Variants in SRGAP2 observed in about 807,000 individuals in gnomAD.
SRGAP2 encodes the protein SLIT-ROBO Rho GTPase activating protein 2.
A neutral mutation model predicts 57.2 loss-of-function variants in SRGAP2; 15 were observed. That is an observed-to-expected ratio of 0.26 (90% CI 0.18 to 0.40). The LOEUF is 0.40. Ranked by LOEUF, SRGAP2 falls within the 10% of genes least tolerant of loss-of-function variation. SRGAP2 has a pLI of 1.00. For missense variants in SRGAP2, 520 were observed against 669.6 expected, an observed-to-expected ratio of 0.78 and a Z score of 2.47; for synonymous variants, 249 against 248.0, an observed-to-expected ratio of 1.00 and a Z score of -0.04.
At chr1:206,414,562 T>A (rs9660435) in intron 10 of SRGAP2, among the ~76,000 whole-genome samples, 14,663 of 152,160 alleles carry the variant, frequency 0.096, 1,560 homozygotes, top group African/African-American at 0.26. Flanking sequence ...GAGTTCAGAC[T>A]TAGGCAGATA....
At chr1:206,426,207 A>G (rs186510811) in intron 13 of SRGAP2, among the ~76,000 whole-genome samples, 4 of 152,202 alleles carry the variant, frequency 2.6e-5, no homozygotes, top group African/African-American at 7.2e-5. Context: ...GCTTATAGAT[A>G]CAAGTGAGAA....
chr1:206,378,866 G>A (rs1227603810), intron 4 of SRGAP2, among the ~76,000 whole-genome samples: 7 of 152,100 alleles, frequency 4.6e-5, no homozygotes, highest in South Asian at 4.2e-4. Context: ...AACCAACTCC[G>A]GACACATAAG....
intron 2 of SRGAP2, among the ~76,000 whole-genome samples, chr1:206,254,221 A>G (rs1669045542): frequency 1.1e-5 from 1 of 87,460 alleles, no homozygotes. Flanking sequence ...TATAAAATAT[A>G]TGGGAAAGAA....
intron 3 of SRGAP2, among the ~76,000 whole-genome samples, chr1:206,323,081 C>T (rs1339674706): frequency 4.0e-5 from 6 of 151,256 alleles, no homozygotes; most frequent in Non-Finnish European, 8.8e-5. Context: ...CCCCAGTGGC[C>T]CAGCCTCTCA....
At position 206,461,232 on chromosome 1, in the gene SRGAP2, C is replaced by T. The variant is rs371631914; in HGVS notation, c.3028C>T (p.Arg1010Cys). 10 of 780,736 alleles carry T rather than the reference C, an allele frequency of 1.3e-5. No homozygotes were observed. Among genetic ancestry groups the T allele is most frequent in the East Asian group, 1.2e-4 (5 of 41,242 alleles). The allele number at this position is 780,736 out of a possible 1,614,324, so 48.4% of individuals were successfully genotyped here. ...CAAGGACCCCGAGCCCGCCTTCCAG[C>T]GCAGCGCCAGTACTGCTGGGGACAT... ...LLKDPEPAFQRSASTAGDIAC... is the reference protein window; with the variant it reads ...LLKDPEPAFQCSASTAGDIAC... Residue 1010 changes from arginine (R) to cysteine (C), a missense_variant, in exon 23 of 23, where the codon CGC becomes TGC. By Grantham distance (180) the Arg-to-Cys change is radical. This residue lies in a region of SRGAP2 where 478 missense variants were observed against 373.6 expected (regional missense o/e 1.28). Coordinates refer to ENST00000573034, the MANE Select transcript of SRGAP2 (RefSeq NM_015326.5).
chr1:206,251,702 CTTTTT>C (rs1180655419), intron 2 of SRGAP2, among the ~76,000 whole-genome samples: 1 of 66,364 alleles, frequency 1.5e-5, no homozygotes, highest in Non-Finnish European at 2.7e-5. Flanking sequence ...CCCCTTGGTT[CTTTTT>C]TTTTTTTTTT....
At chr1:206,334,894 T>A (rs1315185842) in intron 3 of SRGAP2, among the ~76,000 whole-genome samples, 1 of 150,466 alleles carries the variant, frequency 6.6e-6, no homozygotes, top group Non-Finnish European at 1.5e-5. Flanking sequence ...TAATTACTTA[T>A]AGGGCTTCTG....
Position 206,428,094 on chromosome 1 carries a change from CCT to C in SRGAP2, c.1495-2067_1495-2066del, listed in dbSNP as rs1370373816. ...TCCAGCCTAGGCTACAGAGGGAAAC[CCT>C]GTCTCTAAAAACAATAAATTAATTT... On this transcript the variant is annotated intron_variant, in intron 13 of 22. Coordinates refer to ENST00000573034, the MANE Select transcript of SRGAP2 (RefSeq NM_015326.5). Among the ~76,000 whole-genome samples, 5 of 150,454 alleles carry C rather than the reference CCT, an allele frequency of 3.3e-5. No homozygotes were observed. In the East Asian group the frequency reaches 8.0e-4, roughly 24 times the overall value.
chr1:206,421,111 T>C (rs1286910213), intron 12 of SRGAP2, 139 bp from the exon 13 acceptor site: 8 of 550,834 alleles, frequency 1.5e-5, no homozygotes, highest in Non-Finnish European at 2.7e-5. Flanking sequence ...TTTCATTGGC[T>C]ACCACACAGA....
chr1:206,456,151 T>A (rs968431737), intron 21 of SRGAP2: 2 of 152,246 alleles, frequency 1.3e-5, no homozygotes. Flanking sequence ...GCTTGTTGTT[T>A]TTAAACTATA....
chr1:206,306,427 G>T (rs1283129683), intron 3 of SRGAP2, among the ~76,000 whole-genome samples: 1 of 152,230 alleles, frequency 6.6e-6, no homozygotes, highest in Non-Finnish European at 1.5e-5. Context: ...GCTCAGGAGT[G>T]AAGCTGCAGA....
chr1:206,262,993 C>A (rs1669659655), intron 2 of SRGAP2, among the ~76,000 whole-genome samples: 3 of 140,648 alleles, frequency 2.1e-5, no homozygotes, highest in African/African-American at 5.3e-5. Context: ...ACAGAGCGTA[C>A]CTGAATCATT....
At chr1:206,449,316 G>C (rs1663055700) in intron 18 of SRGAP2, among the ~76,000 whole-genome samples, 1 of 125,412 alleles carries the variant, frequency 8.0e-6, no homozygotes, top group African/African-American at 3.1e-5. Context: ...TTTTTAGACA[G>C]GATCTTGCTC....
At chr1:206,457,225 C>G (rs559449310) in intron 21 of SRGAP2, among the ~76,000 whole-genome samples, 1 of 152,186 alleles carries the variant, frequency 6.6e-6, no homozygotes, top group East Asian at 1.9e-4. Context: ...CAGCAAAGAG[C>G]TATTAGGGTG....
intron 4 of SRGAP2, among the ~76,000 whole-genome samples, chr1:206,347,210 C>A (rs1553337058): frequency 6.6e-6 from 1 of 150,606 alleles, no homozygotes; most frequent in African/African-American, 2.4e-5. Flanking sequence ...TATAATCATG[C>A]CACTGTACTC....
intron 3 of SRGAP2, among the ~76,000 whole-genome samples, chr1:206,327,327 CAAA>C (rs1553330360): frequency 8.0e-5 from 7 of 87,714 alleles, no homozygotes; most frequent in African/African-American, 1.2e-4. Flanking sequence ...AACTCCGTCT[CAAA>C]AAAAAAAAAA....
chr1:206,458,341 C>T (rs1572208951), intron 21 of SRGAP2: 1 of 609,390 alleles, frequency 1.6e-6, no homozygotes. Context: ...CATTAGAAAC[C>T]TTCGCTTAAT....
chr1:206,439,946 G>A (rs1308011627), intron 16 of SRGAP2, 30 bp from the exon 17 acceptor site: 2 of 778,532 alleles, frequency 2.6e-6, no homozygotes, highest in Non-Finnish European at 4.8e-6. Context: ...AGTCATAGTG[G>A]AGGATAACAC....
intron 20 of SRGAP2, 154 bp downstream of exon 20, chr1:206,453,534 C>CG (rs1663531926): frequency 2.6e-6 from 1 of 382,242 alleles, no homozygotes; most frequent in Admixed American, 4.7e-5. Flanking sequence ...GAGCACCCCC[C>CG]CCACCCCCCG....
Sources: allele counts gnomAD v4.1 joint callset (sites outside exome capture counted in the v4.1 genomes callset), GRCh38; gene constraint gnomAD v4.1.1; regional missense constraint gnomAD v4.1.1; transcripts MANE v1.5; gene names NCBI Gene and HGNC (gene_info 2026-07-23, HGNC 2026-07-21).